Variants in NR3C1 observed in about 807,000 individuals in gnomAD.
The protein encoded by NR3C1 is nuclear receptor subfamily 3 group C member 1.
A neutral mutation model predicts 74.0 loss-of-function variants in NR3C1; 14 were observed. The ratio of observed to expected loss-of-function variants is 0.19; its 90% CI spans 0.12 to 0.30. NR3C1 has a LOEUF of 0.30. Among genes scored for constraint, NR3C1 ranks in the 10% least tolerant of loss-of-function variants. The pLI, the probability that NR3C1 is intolerant of heterozygous loss-of-function variation, is 1.00. For missense variants in NR3C1, 695 were observed against 909.8 expected, an observed-to-expected ratio of 0.76 and a Z score of 3.04; for synonymous variants, 308 against 332.5, an observed-to-expected ratio of 0.93 and a Z score of 0.80.
chr5:143,352,705 G>A (rs1276802376), intron 2 of NR3C1, among the ~76,000 whole-genome samples: 1 of 152,130 alleles, frequency 6.6e-6, no homozygotes, highest in Non-Finnish European at 1.5e-5. Context: ...ATAGCATTGT[G>A]TCTTTAAAAA....
chr5:143,309,185 T>TGAGA (rs1820345328), intron 4 of NR3C1, among the ~76,000 whole-genome samples: 1 of 151,562 alleles, frequency 6.6e-6, no homozygotes, highest in Non-Finnish European at 1.5e-5. Flanking sequence ...GTGATTCTCC[T>TGAGA]GCCTCAGCCT....
At chr5:143,388,360 G>A (rs747028485) in intron 2 of NR3C1, among the ~76,000 whole-genome samples, 14 of 152,046 alleles carry the variant, frequency 9.2e-5, no homozygotes, top group Admixed American at 4.6e-4. Context: ...TTCCTCACTC[G>A]AGAAAGATTA....
chr5:143,409,216 T>C (rs1033342674), intron 1 of NR3C1: 3 of 152,194 alleles, frequency 2.0e-5, no homozygotes, highest in Non-Finnish European at 4.4e-5. Flanking sequence ...GAGATCGATA[T>C]TGAGTAGTGT....
At chr5:143,290,971 C>T (rs1815787968) in intron 7 of NR3C1, among the ~76,000 whole-genome samples, 2 of 151,474 alleles carry the variant, frequency 1.3e-5, no homozygotes, top group South Asian at 2.1e-4. Flanking sequence ...GCATTTTTTT[C>T]TCCCTCCTCT....
intron 2 of NR3C1, among the ~76,000 whole-genome samples, chr5:143,354,660 G>A (rs1217178319): frequency 1.3e-5 from 2 of 151,922 alleles, no homozygotes; most frequent in African/African-American, 4.8e-5. Flanking sequence ...CATCAGGCTG[G>A]CACGGTAATC....
chr5:143,403,311 T>A lies in NR3C1; in HGVS notation c.-114A>T. ...ACGCAGAAGGAGCAGGAGGGAAATA[T>A]ATTTTTTTTTTCTAAAAAAAGGAAG... is the stretch of plus-strand genomic sequence containing the variant. On this transcript the variant is annotated 5_prime_UTR_variant, in exon 1 of 9. Transcript: ENST00000394464. The A allele has an allele frequency of 1.0e-6, 1 of 984,182 alleles. No homozygotes were observed. Among genetic ancestry groups the A allele is most frequent in the Non-Finnish European group, 1.2e-6 (1 of 829,928 alleles). The allele number at this position is 984,182 out of a possible 1,614,324, so 61.0% of individuals were successfully genotyped here.
rs1818350952 is a variant in NR3C1 at position 143,300,852 on chromosome 5, A to G, written c.1469-89T>C. 5 of 1,238,342 alleles carry G rather than the reference A, an allele frequency of 4.0e-6. No homozygotes were observed. In the South Asian group the frequency reaches 5.6e-5, roughly 14 times the overall value. 76.7% of individuals were successfully genotyped at this position (1,238,342 alleles called of 1,614,324 possible). On this transcript the variant is annotated intron_variant, in intron 4 of 8. Transcript: ENST00000394464. The surrounding 1 kb of genome is among the most constrained non-coding windows in gnomAD (Gnocchi z 5.2). ...TATTCAAGAAGTATTTTTACTTTCT[A>G]AAACTATTAAGATGGGAGAAATATT...
intron 2 of NR3C1, among the ~76,000 whole-genome samples, chr5:143,356,829 C>T (rs963990362): frequency 4.6e-5 from 7 of 152,084 alleles, no homozygotes; most frequent in African/African-American, 1.7e-4. Context: ...TTTAAGAGCC[C>T]AAATGAGAAA....
In NR3C1 at chr5:143,295,452, C is replaced by T. The variant is rs763457533; in HGVS notation, c.2023+8G>A. On this transcript the variant is annotated splice_region_variant and intron_variant, in intron 7 of 8. Coordinates refer to ENST00000394464, the MANE Select transcript of NR3C1 (RefSeq NM_000176.3). ...TTTTGACATAAGGTGAAAAGGTGTT[C>T]TACCAACCTGAAGAGAGAAGCAGTA... is the stretch of plus-strand genomic sequence containing the variant. 7 of 1,611,842 alleles carry T rather than the reference C, an allele frequency of 4.3e-6. No individual in the cohort carries two copies. In the Admixed American group the frequency reaches 1.2e-4, roughly 27 times the overall value.
chr5:143,399,657 T>C lies in NR3C1; in HGVS notation c.1183A>G (p.Ser395Gly), dbSNP rs762325630. Reference sequence around the variant, plus strand: ...GAAACAGAAAAACACTGATCTTACCTTGAATAGCCATTAGAAAAAACTGTT... The same window carrying C: ...GAAACAGAAAAACACTGATCTTACCCTGAATAGCCATTAGAAAAAACTGTT... ...GRTVFSNGYS[S>G]PSMRPDVSSP... is the part of the protein sequence containing the mutation. The change falls in exon 2 of 9, where the codon AGC becomes GGC. Residue 395 changes from serine (S) to glycine (G), a missense_variant and splice_region_variant. Ser to Gly is a moderately conservative substitution (Grantham distance 56). Around this residue, in one of 4 missense-constraint regions of NR3C1, gnomAD observed 497 missense variants for 489.5 expected, o/e 1.02. Coordinates refer to ENST00000394464, the MANE Select transcript of NR3C1 (RefSeq NM_000176.3). 1 of 1,604,742 alleles carries C rather than the reference T, an allele frequency of 6.2e-7. No homozygotes were observed. The highest frequency in any genetic ancestry group is 1.1e-5 in the South Asian group (1 of 90,894).
rs528961786 is a variant in NR3C1, at chr5:143,410,350, T to C, written c.-13-9498A>G. 2.6e-5 allele frequency among the ~76,000 whole-genome samples: 4 copies of C among 152,316 alleles called. No homozygotes were observed. In the South Asian group the frequency reaches 8.3e-4, roughly 32 times the overall value. Reference sequence around the variant, plus strand: ...GTTTTGTTTTGTTTTTAAGCTAACTTAGAAATAGTGGGGTTGAGATGAAAA... The same window carrying C: ...GTTTTGTTTTGTTTTTAAGCTAACTCAGAAATAGTGGGGTTGAGATGAAAA... On this transcript the variant is annotated intron_variant, in intron 1 of 8. Coordinates refer to the NR3C1 transcript ENST00000343796.
In NR3C1 at chr5:143,299,343, TAAA is replaced by T. The variant is rs374503509; in HGVS notation, c.1748-534_1748-532del. Reference sequence around the variant, plus strand: ...AGGTGCTTTTTAATAGCTTTTAATGTAAAAAAAAAAAAAAAAAGCCAGTTTTGT... The same window carrying T: ...AGGTGCTTTTTAATAGCTTTTAATGTAAAAAAAAAAAAAAGCCAGTTTTGT... On this transcript the variant is annotated intron_variant, in intron 5 of 8. Transcript: ENST00000394464. 3.2e-3 allele frequency among the ~76,000 whole-genome samples: 408 copies of T among 127,286 alleles called. 3 individuals are homozygous for T. The highest frequency in any genetic ancestry group is 1.0e-2 in the African/African-American group (345 of 34,532). 83.5% of individuals were successfully genotyped at this position (127,286 alleles called of 152,430 possible). A position where few individuals can be genotyped will look rare whatever the true frequency, so the allele number is the denominator to read the frequency against.
At position 143,294,355 on chromosome 5, in the gene NR3C1, A is replaced by G. The variant is rs140907290; in HGVS notation, c.2023+1105T>C. 9 of 899,914 alleles carry G rather than the reference A, an allele frequency of 1.0e-5. No individual in the cohort carries two copies. In the African/African-American group the frequency reaches 1.6e-4, roughly 16 times the overall value. The allele number at this position is 899,914 out of a possible 1,614,324, so 55.7% of individuals were successfully genotyped here. ...AACATTGATATGTAATTTTTACTTG[A>G]AATGGCCTAAGGTTTATAATACCAA... On this transcript the variant is annotated intron_variant, in intron 7 of 8. Coordinates refer to ENST00000394464, the MANE Select transcript of NR3C1 (RefSeq NM_000176.3).
At chr5:143,385,668 C>A (rs541890498) in intron 2 of NR3C1, among the ~76,000 whole-genome samples, 69 of 152,348 alleles carry the variant, frequency 4.5e-4, no homozygotes, top group Admixed American at 3.9e-3. Context: ...CAAAAGTGAA[C>A]TTTGCTCCAG....
chr5:143,283,900 A>ATGTT (rs1001362950), intron 7 of NR3C1, among the ~76,000 whole-genome samples: 4 of 152,144 alleles, frequency 2.6e-5, no homozygotes, highest in South Asian at 2.1e-4. Context: ...GAAAAGCTAA[A>ATGTT]TGTTTAATAC....
intron 2 of NR3C1, among the ~76,000 whole-genome samples, chr5:143,361,481 C>T (rs1832223378): frequency 6.6e-6 from 1 of 152,182 alleles, no homozygotes; most frequent in Non-Finnish European, 1.5e-5. Context: ...AGGAAAGCTT[C>T]TCTAGAAATA....
At position 143,282,743 on chromosome 5, in the gene NR3C1, A is replaced by G. The variant is rs1392306142; in HGVS notation, c.2024-18T>C. ...CTTAGGAACTAAAAGGTTAAGATGA[A>G]GTCAGTTAAAGGATTTTCTTTTTCT... On this transcript the variant is annotated intron_variant, in intron 7 of 8. Transcript: ENST00000394464. The G allele has an allele frequency of 6.2e-7, 1 of 1,610,372 alleles. No homozygotes were observed. The highest frequency in any genetic ancestry group is 8.5e-7 in the Non-Finnish European group (1 of 1,178,490).
chr5:143,389,444 G>C (rs1837855989), intron 2 of NR3C1, among the ~76,000 whole-genome samples: 1 of 152,114 alleles, frequency 6.6e-6, no homozygotes, highest in South Asian at 2.1e-4. Flanking sequence ...GAGAAACACT[G>C]AGGCATACAA....
intron 7 of NR3C1, 189 bp downstream of exon 7, chr5:143,295,271 T>C: frequency 1.0e-6 from 1 of 985,332 alleles, no homozygotes; most frequent in Non-Finnish European, 1.2e-6. Context: ...GCCATACCTA[T>C]TTGTCTTATT....
Sources: allele counts gnomAD v4.1 joint callset (sites outside exome capture counted in the v4.1 genomes callset), GRCh38; gene constraint gnomAD v4.1.1; regional missense constraint gnomAD v4.1.1; non-coding constraint Gnocchi (gnomAD v3.1); transcripts MANE v1.5; gene names NCBI Gene and HGNC (gene_info 2026-07-23, HGNC 2026-07-21).